Variants in SLC24A2 observed in about 807,000 individuals in gnomAD.
SLC24A2 encodes the protein sodium/potassium/calcium exchanger 2.
A neutral mutation model predicts 62.0 loss-of-function variants in SLC24A2; 36 were observed. The ratio of observed to expected loss-of-function variants is 0.58; its 90% CI spans 0.44 to 0.77. The LOEUF (loss-of-function observed/expected upper bound fraction) is 0.77, where lower values mean the gene tolerates loss of function less well. Among genes scored for constraint, SLC24A2 ranks in the 30% least tolerant of loss-of-function variants. The pLI is 0.00. For missense variants in SLC24A2, 846 were observed against 817.9 expected, an observed-to-expected ratio of 1.03 and a Z score of -0.42; for synonymous variants, 358 against 294.0, an observed-to-expected ratio of 1.22 and a Z score of -2.23.
the SLC24A2 span, among the ~76,000 whole-genome samples, chr9:20,295,034 A>G: frequency 2.8e-5 from 4 of 141,942 alleles, no homozygotes; most frequent in East Asian, 4.1e-4. Context: ...ATGTGTATAT[A>G]TGTATATATA....
At chr9:20,031,302 A>G in the SLC24A2 span, among the ~76,000 whole-genome samples, 3 of 148,214 alleles carry the variant, frequency 2.0e-5, no homozygotes, top group Admixed American at 2.0e-4. Context: ...TATATAAAAT[A>G]TATTTCTCTT....
At chr9:20,098,052 T>A in the SLC24A2 span, among the ~76,000 whole-genome samples, 4 of 152,090 alleles carry the variant, frequency 2.6e-5, no homozygotes, top group African/African-American at 7.2e-5. Flanking sequence ...GAATCTTAAA[T>A]AATCTTAAGA....
the SLC24A2 span, among the ~76,000 whole-genome samples, chr9:20,037,093 T>A: frequency 6.6e-6 from 1 of 151,996 alleles, no homozygotes; most frequent in African/African-American, 2.4e-5. Flanking sequence ...AAATGGAGTT[T>A]CCCCATGTTG....
chr9:19,579,810 T>C (rs905841064), intron 5 of SLC24A2, among the ~76,000 whole-genome samples: 1 of 152,142 alleles, frequency 6.6e-6, no homozygotes, highest in African/African-American at 2.4e-5. Context: ...AGTTTAGGTG[T>C]GTGCCAGAGA....
intron 2 of SLC24A2, among the ~76,000 whole-genome samples, chr9:19,742,365 G>A (rs530051501): frequency 6.6e-6 from 1 of 152,286 alleles, no homozygotes; most frequent in Non-Finnish European, 1.5e-5. Context: ...TTTCATATTA[G>A]CAGTCTGTTC....
chr9:19,524,175 C>A lies in SLC24A2; in HGVS notation c.1570-3115G>T, dbSNP rs932103922. ...AAAAAAAAAAGCAAATTAGGCCACT[C>A]AGAGGAGGCCAAACTCCATGCTGCT... On this transcript the variant is annotated intron_variant, in intron 9 of 10. Transcript: ENST00000341998. Among the ~76,000 whole-genome samples the A allele has an allele frequency of 5.3e-4, 77 of 144,868 alleles. 1 individual carries two copies. Among genetic ancestry groups the A allele is most frequent in the African/African-American group, 1.8e-3 (70 of 39,478 alleles).
the SLC24A2 span, among the ~76,000 whole-genome samples, chr9:20,129,736 G>C: frequency 1.4e-4 from 21 of 152,158 alleles, no homozygotes; most frequent in Admixed American, 1.2e-3. Context: ...CAAATCCATG[G>C]AGACAGAAAG....
chr9:19,820,089 G>T, the SLC24A2 span, among the ~76,000 whole-genome samples: 4 of 119,588 alleles, frequency 3.3e-5, no homozygotes, highest in South Asian at 2.5e-4. Flanking sequence ...ATATACAATG[G>T]AATACTACAC....
chr9:20,051,585 T>C, the SLC24A2 span, among the ~76,000 whole-genome samples: 2 of 149,844 alleles, frequency 1.3e-5, no homozygotes, highest in South Asian at 4.2e-4. Flanking sequence ...AATTACCACA[T>C]AGTGAGCCAT....
the SLC24A2 span, among the ~76,000 whole-genome samples, chr9:19,794,885 A>T: frequency 4.5e-4 from 68 of 152,282 alleles, no homozygotes; most frequent in African/African-American, 1.6e-3. Context: ...AAAAAAAAAA[A>T]AATAAAAAAT....
At chr9:19,525,379 C>G (rs1387147625) in intron 9 of SLC24A2, among the ~76,000 whole-genome samples, 3 of 113,422 alleles carry the variant, frequency 2.6e-5, no homozygotes, top group South Asian at 3.1e-4. Context: ...GTTTTTTTTT[C>G]CTATTTCTTT....
At chr9:19,749,894 G>A (rs547295652) in intron 2 of SLC24A2, among the ~76,000 whole-genome samples, 1 of 152,282 alleles carries the variant, frequency 6.6e-6, no homozygotes, top group Non-Finnish European at 1.5e-5. Flanking sequence ...ACACTGCAGT[G>A]CATTCTGCTA....
At chr9:19,956,487 CAT>C in the SLC24A2 span, among the ~76,000 whole-genome samples, 8 of 152,128 alleles carry the variant, frequency 5.3e-5, no homozygotes, top group African/African-American at 1.9e-4. Context: ...CTGATAAAGA[CAT>C]ATCCGAGACT....
chr9:19,579,555 T>G (rs1673809187), intron 5 of SLC24A2, among the ~76,000 whole-genome samples: 1 of 152,196 alleles, frequency 6.6e-6, no homozygotes, highest in South Asian at 2.1e-4. Context: ...AGGGTTATTG[T>G]TTGAACTCAG....
intron 1 of SLC24A2, among the ~76,000 whole-genome samples, chr9:19,787,964 G>C (rs950210570): frequency 3.3e-5 from 5 of 152,194 alleles, no homozygotes; most frequent in African/African-American, 1.2e-4. Context: ...ATCCCACGGA[G>C]GAGATGGGTA....
At chr9:19,982,868 A>T in the SLC24A2 span, among the ~76,000 whole-genome samples, 1 of 152,236 alleles carries the variant, frequency 6.6e-6, no homozygotes, top group African/African-American at 2.4e-5. Flanking sequence ...GAATCATCCA[A>T]CATAAGAAAA....
the SLC24A2 span, among the ~76,000 whole-genome samples, chr9:20,038,697 C>A: frequency 1.3e-5 from 2 of 151,066 alleles, no homozygotes; most frequent in African/African-American, 4.9e-5. Flanking sequence ...GTCACAGTCT[C>A]CTCATTTGCA....
the SLC24A2 span, among the ~76,000 whole-genome samples, chr9:19,833,759 A>C: frequency 6.6e-6 from 1 of 152,242 alleles, no homozygotes; most frequent in Non-Finnish European, 1.5e-5. Flanking sequence ...TTGAGATCTG[A>C]GAATAGGCAG....
At chr9:19,959,827 T>C in the SLC24A2 span, among the ~76,000 whole-genome samples, 2 of 152,162 alleles carry the variant, frequency 1.3e-5, no homozygotes, top group African/African-American at 4.8e-5. Flanking sequence ...TCTCACTCAA[T>C]CCTTGCAACA....
Sources: gnomAD v4.1 joint callset for allele counts (sites outside exome capture counted in the v4.1 genomes callset) on GRCh38, gnomAD v4.1.1 for gene constraint, MANE v1.5 for transcripts, NCBI Gene and HGNC (gene_info 2026-07-23, HGNC 2026-07-21) for gene names.